PTPRO: variants seen among roughly 807,000 people sequenced by gnomAD.
The protein encoded by PTPRO is protein tyrosine phosphatase receptor type O, also known as receptor-type tyrosine-protein phosphatase O.
Under a neutral mutation model 145.2 loss-of-function variants are expected in PTPRO, and 62 were observed. The ratio of observed to expected loss-of-function variants is 0.43; its 90% CI spans 0.35 to 0.53. The LOEUF (loss-of-function observed/expected upper bound fraction) is 0.53. Among genes scored for constraint, PTPRO ranks in the 20% least tolerant of loss-of-function variants. The pLI, the probability that PTPRO is intolerant of heterozygous loss-of-function variation, is 0.01. For synonymous variants in PTPRO, 565 were observed against 514.7 expected, an observed-to-expected ratio of 1.10 and a Z score of -1.32; for missense variants, 1,345 against 1,482.7, an observed-to-expected ratio of 0.91 and a Z score of 1.53.
At chr12:15,408,877 A>AAC (rs1939719272) in intron 1 of PTPRO, among the ~76,000 whole-genome samples, 1 of 152,148 alleles carries the variant, frequency 6.6e-6, no homozygotes, top group Admixed American at 6.5e-5. Context: ...TATAGATATA[A>AAC]ACATTTGTCC....
At chr12:15,374,482 C>T (rs1397832290) in intron 1 of PTPRO, among the ~76,000 whole-genome samples, 1 of 152,108 alleles carries the variant, frequency 6.6e-6, no homozygotes, top group African/African-American at 2.4e-5. Context: ...AACCCTTGCC[C>T]CTCTCCCCAG....
chr12:15,407,608 TA>T (rs1939683265), intron 1 of PTPRO, among the ~76,000 whole-genome samples: 2 of 120,268 alleles, frequency 1.7e-5, no homozygotes, highest in Non-Finnish European at 3.4e-5. Flanking sequence ...GCTTATGTAC[TA>T]TATAACCCAC....
chr12:15,362,639 G>A (rs1311205184), intron 1 of PTPRO, among the ~76,000 whole-genome samples: 2 of 151,908 alleles, frequency 1.3e-5, no homozygotes, highest in Non-Finnish European at 2.9e-5. Context: ...AAGTTATTGA[G>A]TTCATTAGAA....
At chr12:15,471,765 C>A (rs1049998365) in intron 1 of PTPRO, among the ~76,000 whole-genome samples, 9 of 152,300 alleles carry the variant, frequency 5.9e-5, no homozygotes, top group Non-Finnish European at 1.2e-4. Context: ...CAAAATATAT[C>A]TGAGGAATGG....
chr12:15,358,372 T>C (rs1278620617), intron 1 of PTPRO, among the ~76,000 whole-genome samples: 1 of 151,916 alleles, frequency 6.6e-6, no homozygotes, highest in African/African-American at 2.4e-5. Context: ...ACCCTAAAAC[T>C]TAAAGTATGA....
chr12:15,561,269 G>T (rs964141936), intron 17 of PTPRO, among the ~76,000 whole-genome samples: 1 of 152,080 alleles, frequency 6.6e-6, no homozygotes, highest in Non-Finnish European at 1.5e-5. Flanking sequence ...GGGTGGTGGT[G>T]CGGGTATGAA....
At chr12:15,537,511 G>A (rs1943089199) in intron 12 of PTPRO, among the ~76,000 whole-genome samples, 1 of 152,104 alleles carries the variant, frequency 6.6e-6, no homozygotes, top group Admixed American at 6.6e-5. Context: ...GAACAAATCT[G>A]GTAAGATGAG....
intron 19 of PTPRO, among the ~76,000 whole-genome samples, chr12:15,570,115 C>G (rs1227342982): frequency 6.6e-6 from 1 of 152,098 alleles, no homozygotes; most frequent in African/African-American, 2.4e-5. Flanking sequence ...GATCTAAAAC[C>G]ATATGTCAGA....
intron 1 of PTPRO, among the ~76,000 whole-genome samples, chr12:15,416,242 AG>A (rs898344780): frequency 2.6e-5 from 4 of 151,496 alleles, no homozygotes; most frequent in Admixed American, 2.0e-4. Context: ...ATGAATCATG[AG>A]TTTCAAGCCT....
At chr12:15,525,513 T>C (rs1363644266) in intron 11 of PTPRO, among the ~76,000 whole-genome samples, 1 of 152,182 alleles carries the variant, frequency 6.6e-6, no homozygotes, top group Non-Finnish European at 1.5e-5. Context: ...TTCTGTTTTG[T>C]TGTTCCATCT....
chr12:15,536,278 G>GGGGAT (rs1943063620), intron 12 of PTPRO, among the ~76,000 whole-genome samples: 1 of 152,168 alleles, frequency 6.6e-6, no homozygotes, highest in Non-Finnish European at 1.5e-5. Flanking sequence ...AAGTGCTGTG[G>GGGGAT]GGGATGGGTG....
At chr12:15,380,687 A>G (rs923395462) in intron 1 of PTPRO, among the ~76,000 whole-genome samples, 1 of 152,212 alleles carries the variant, frequency 6.6e-6, no homozygotes, top group Non-Finnish European at 1.5e-5. Flanking sequence ...AGAAAACCAT[A>G]GAAACATAAA....
intron 1 of PTPRO, among the ~76,000 whole-genome samples, chr12:15,362,318 T>C (rs1428487321): frequency 2.0e-5 from 3 of 152,166 alleles, no homozygotes; most frequent in African/African-American, 7.2e-5. Context: ...AGTAGGGAAT[T>C]GGGTGTTGAG....
intron 1 of PTPRO, among the ~76,000 whole-genome samples, chr12:15,452,001 A>T (rs1941058741): frequency 6.6e-6 from 1 of 152,162 alleles, no homozygotes; most frequent in Non-Finnish European, 1.5e-5. Flanking sequence ...AGATAAGAGT[A>T]GAACTGAATG....
chr12:15,499,980 ATGTATCTAAAACT>A (rs1276004697), intron 4 of PTPRO, among the ~76,000 whole-genome samples: 1 of 152,156 alleles, frequency 6.6e-6, no homozygotes, highest in Non-Finnish European at 1.5e-5. Context: ...TGAAATTCAA[ATGTATCTAAAACT>A]TGCGGTGCTT....
chr12:15,568,005 A>T (rs1303906538), intron 18 of PTPRO, among the ~76,000 whole-genome samples: 1 of 152,258 alleles, frequency 6.6e-6, no homozygotes, highest in African/African-American at 2.4e-5. Flanking sequence ...TTCAGTTTAA[A>T]GGTATTCTCT....
At position 15,376,581 on chromosome 12, in the gene PTPRO, C is replaced by T. The variant is rs1355717587; in HGVS notation, c.75+53780C>T. On this transcript the variant is annotated intron_variant, in intron 1 of 26. Transcript: ENST00000281171. ...CATTCAGAATGCTATAATAAAAATA[C>T]CACAAACTGGGTGGCTTAAACAACA... 1.3e-5 allele frequency among the ~76,000 whole-genome samples: 2 copies of T among 152,096 alleles called. 1 individual carries two copies. Among genetic ancestry groups the T allele is most frequent in the South Asian group, 4.1e-4 (2 of 4,826 alleles).
In PTPRO at chr12:15,438,917, A is replaced by G. The variant is rs549954665; in HGVS notation, c.76-45057A>G. On this transcript the variant is annotated intron_variant, in intron 1 of 26. Coordinates refer to ENST00000281171, the MANE Select transcript of PTPRO (RefSeq NM_030667.3). The stretch of plus-strand genomic sequence containing the variant: ...CATGTAGACTACAAACCATGTAGTC[A>G]CCAGATTGAGCAAGGTCAACGCTAA... Among the ~76,000 whole-genome samples the G allele has an allele frequency of 2.8e-4, 42 of 152,352 alleles. 1 individual carries two copies. The South Asian group carries it at 8.7e-3, about 32-fold the overall frequency.
Position 15,488,418 on chromosome 12 carries a change from A to G in PTPRO, c.349+4171A>G, listed in dbSNP as rs535972515. ...AGCTTCCACCTTCATAAAAGAGGGA[A>G]TTGAAGTACATGATGACTAAGATAA... On this transcript the variant is annotated intron_variant, in intron 2 of 26. Transcript: ENST00000281171. Among the ~76,000 whole-genome samples the G allele has an allele frequency of 2.8e-3, 426 of 152,300 alleles. 1 individual carries two copies. The highest frequency in any genetic ancestry group is 9.7e-3 in the African/African-American group (405 of 41,564).
Sources: allele counts gnomAD v4.1 joint callset (sites outside exome capture counted in the v4.1 genomes callset), GRCh38; gene constraint gnomAD v4.1.1; transcripts MANE v1.5; gene names NCBI Gene and HGNC (gene_info 2026-07-23, HGNC 2026-07-21).